TMEM135: variants seen among roughly 807,000 people sequenced by gnomAD.
TMEM135 encodes the protein peroxisomal membrane protein 52.
A neutral mutation model predicts 60.3 loss-of-function variants in TMEM135; 30 were observed. The observed-to-expected ratio is 0.50, with a 90% confidence interval of 0.37 to 0.68. The LOEUF (loss-of-function observed/expected upper bound fraction) is 0.68, where lower values mean the gene tolerates loss of function less well. Among genes scored for constraint, TMEM135 ranks in the 30% least tolerant of loss-of-function variants. The probability of loss-of-function intolerance (pLI) is 0.00; values close to 1 mark genes in which losing one functional copy is unlikely to be tolerated. For synonymous variants in TMEM135, 190 were observed against 186.7 expected, an observed-to-expected ratio of 1.02 and a Z score of -0.14; for missense variants, 468 against 548.8, an observed-to-expected ratio of 0.85 and a Z score of 1.47.
At chr11:87,099,524 G>C (rs866043140) in intron 4 of TMEM135, among the ~76,000 whole-genome samples, 4 of 152,000 alleles carry the variant, frequency 2.6e-5, no homozygotes, top group African/African-American at 9.6e-5. Flanking sequence ...CTTCTCTCCT[G>C]TTGTCACCCC....
chr11:87,179,306 A>G (rs879877878), intron 5 of TMEM135, among the ~76,000 whole-genome samples: 4 of 152,016 alleles, frequency 2.6e-5, no homozygotes, highest in Non-Finnish European at 5.9e-5. Flanking sequence ...TTGGGAATAT[A>G]TTTTCCCAGA....
intron 5 of TMEM135, among the ~76,000 whole-genome samples, chr11:87,220,605 G>T (rs899725602): frequency 9.2e-5 from 14 of 152,158 alleles, no homozygotes; most frequent in African/African-American, 2.4e-4. Context: ...TTTGTGGGTG[G>T]AGACAGCAAT....
At chr11:87,299,692 T>C (rs1329641467) in intron 7 of TMEM135, among the ~76,000 whole-genome samples, 1 of 152,222 alleles carries the variant, frequency 6.6e-6, no homozygotes, top group Non-Finnish European at 1.5e-5. Context: ...GCTTATGGTC[T>C]AGTGGGGAAG....
At chr11:87,293,483 C>T (rs1024775518) in intron 6 of TMEM135, among the ~76,000 whole-genome samples, 6 of 151,994 alleles carry the variant, frequency 3.9e-5, no homozygotes, top group East Asian at 1.9e-4. Context: ...CTGCACCTAT[C>T]GAGCAGTCCT....
chr11:87,142,015 G>T (rs1565459016), intron 4 of TMEM135, among the ~76,000 whole-genome samples: 1 of 152,126 alleles, frequency 6.6e-6, no homozygotes, highest in Non-Finnish European at 1.5e-5. Flanking sequence ...GTTAGCAAAT[G>T]AAGGAACCCA....
In TMEM135 at chr11:87,326,319, G is replaced by C; in HGVS notation, c.*4986G>C. Reference sequence around the variant, plus strand: ...CCATAAAGTAGACCTGTAGACCTATGTTGGCTGAGGTCACCCTGCATTACT... The same window carrying C: ...CCATAAAGTAGACCTGTAGACCTATCTTGGCTGAGGTCACCCTGCATTACT... On this transcript the variant is annotated 3_prime_UTR_variant, in exon 15 of 15. Coordinates refer to ENST00000305494, the MANE Select transcript of TMEM135 (RefSeq NM_022918.4). The C allele has an allele frequency of 2.2e-6, 1 of 454,042 alleles. No individual in the cohort carries two copies. Among genetic ancestry groups the C allele is most frequent in the East Asian group, 6.9e-5 (1 of 14,390 alleles). 28.1% of individuals were successfully genotyped at this position (454,042 alleles called of 1,614,324 possible).
intron 3 of TMEM135, among the ~76,000 whole-genome samples, chr11:87,087,757 T>G (rs1016302589): frequency 2.0e-5 from 3 of 151,962 alleles, no homozygotes; most frequent in African/African-American, 4.8e-5. Flanking sequence ...TTTTTTTGAG[T>G]TGGAGTTTTG....
chr11:87,073,959 C>T (rs915988141), intron 3 of TMEM135, among the ~76,000 whole-genome samples: 12 of 151,832 alleles, frequency 7.9e-5, no homozygotes, highest in Non-Finnish European at 1.3e-4. Context: ...TGAGCCACTG[C>T]GCCCAGGCTT....
intron 5 of TMEM135, among the ~76,000 whole-genome samples, chr11:87,203,619 C>T (rs1323189418): frequency 6.6e-6 from 1 of 152,178 alleles, no homozygotes; most frequent in Non-Finnish European, 1.5e-5. Flanking sequence ...TGGAGAACAT[C>T]TCGGTTGCTT....
At chr11:87,159,083 C>T (rs1938789300) in intron 5 of TMEM135, among the ~76,000 whole-genome samples, 1 of 152,092 alleles carries the variant, frequency 6.6e-6, no homozygotes, top group South Asian at 2.1e-4. Context: ...ACTTATTTTA[C>T]TTAATAGGCA....
chr11:87,110,746 C>CT (rs1328432819), intron 4 of TMEM135, among the ~76,000 whole-genome samples: 4 of 151,594 alleles, frequency 2.6e-5, no homozygotes, highest in African/African-American at 9.7e-5. Flanking sequence ...TTTTTGACTG[C>CT]TTTTTAAAGG....
At chr11:87,255,744 C>T (rs892453785) in intron 6 of TMEM135, among the ~76,000 whole-genome samples, 3 of 151,988 alleles carry the variant, frequency 2.0e-5, no homozygotes, top group African/African-American at 7.2e-5. Flanking sequence ...TTATAGTTGA[C>T]TGTTTCTCTC....
intron 12 of TMEM135, among the ~76,000 whole-genome samples, chr11:87,317,439 T>A (rs1001194256): frequency 1.2e-4 from 19 of 152,120 alleles, no homozygotes; most frequent in African/African-American, 4.6e-4. Context: ...TTCTCATATA[T>A]CCCAGTCTCT....
At chr11:87,188,801 T>G (rs531282045) in intron 5 of TMEM135, among the ~76,000 whole-genome samples, 1 of 152,250 alleles carries the variant, frequency 6.6e-6, no homozygotes, top group East Asian at 1.9e-4. Context: ...AGTATCCCTG[T>G]TTTTTCACTC....
intron 4 of TMEM135, among the ~76,000 whole-genome samples, chr11:87,153,559 C>T (rs1201146096): frequency 1.3e-5 from 2 of 152,182 alleles, no homozygotes; most frequent in Admixed American, 6.5e-5. Context: ...CCTTGATTTA[C>T]TCTATTTAAA....
In TMEM135 at chr11:87,189,254, G is replaced by A. The variant is rs995657296; in HGVS notation, c.462+31848G>A. Among the ~76,000 whole-genome samples the A allele has an allele frequency of 1.6e-4, 24 of 149,968 alleles. 1 individual carries two copies. The highest frequency in any genetic ancestry group is 1.5e-3 in the South Asian group (7 of 4,754). ...CGGCTCACTGCAACCTCTGCTTCCC[G>A]GGTTCAAGCAATTCTCCTGCCTCAG... is the stretch of plus-strand genomic sequence containing the variant. On this transcript the variant is annotated intron_variant, in intron 5 of 14. Coordinates refer to ENST00000305494, the MANE Select transcript of TMEM135 (RefSeq NM_022918.4).
intron 6 of TMEM135, among the ~76,000 whole-genome samples, chr11:87,249,762 T>C (rs538262620): frequency 1.8e-4 from 28 of 152,176 alleles, no homozygotes; most frequent in South Asian, 4.1e-4. Context: ...ATCAGATATA[T>C]TGACCTGTAG....
chr11:87,193,124 TTTTGTGTATTCATTTCTTTTTTCATCA>T (rs1275371212), intron 5 of TMEM135, among the ~76,000 whole-genome samples: 1 of 152,096 alleles, frequency 6.6e-6, no homozygotes, highest in East Asian at 1.9e-4. Flanking sequence ...AATTGTCATT[TTTTGTGTATTCATTTCTTTTTTCATCA>T]TATATAATAG....
In TMEM135 at chr11:87,078,186, C is replaced by A. The variant is rs756977572; in HGVS notation, c.362+6571C>A. 2.2e-4 allele frequency among the ~76,000 whole-genome samples: 34 copies of A among 152,290 alleles called. 1 individual carries two copies. Among genetic ancestry groups the A allele is most frequent in the South Asian group, 8.3e-4 (4 of 4,828 alleles). The stretch of plus-strand genomic sequence containing the variant: ...TTTACCAAAGTGGTTGTACCATTTT[C>A]TGTTTTGTTCAGCAGTATATAAAGG... On this transcript the variant is annotated intron_variant, in intron 3 of 14. Transcript: ENST00000305494.
Sources: allele counts gnomAD v4.1 joint callset (sites outside exome capture counted in the v4.1 genomes callset), GRCh38; gene constraint gnomAD v4.1.1; transcripts MANE v1.5; gene names NCBI Gene and HGNC (gene_info 2026-07-23, HGNC 2026-07-21).